DIP2C: variants seen among roughly 807,000 people sequenced by gnomAD.
DIP2C encodes the protein DIP2 acetate--CoA ligase C (putative).
In DIP2C, 33 loss-of-function variants were observed where a neutral mutation model predicts 192.4. The ratio of observed to expected loss-of-function variants is 0.17; its 90% confidence interval spans 0.13 to 0.23. The LOEUF is 0.23. DIP2C is among the 10% of genes least tolerant of loss of function. DIP2C has a pLI of 1.00. For synonymous variants in DIP2C, 979 were observed against 864.1 expected (o/e 1.13, Z -2.33); for missense variants, 1,537 against 2,110.1 (o/e 0.73, Z 5.32).
At chr10:378,273 G>A (rs1416960352) in intron 17 of DIP2C, among the ~76,000 whole-genome samples, 1 of 152,242 alleles carries the variant, frequency 6.6e-6, no homozygotes, top group Non-Finnish European at 1.5e-5. Flanking sequence ...GCAAGACTGA[G>A]CAGACTTCAC....
chr10:318,204 C>T (rs1236944046), intron 31 of DIP2C, among the ~76,000 whole-genome samples: 2 of 152,192 alleles, frequency 1.3e-5, no homozygotes, highest in African/African-American at 4.8e-5. Flanking sequence ...TCTCAACCGT[C>T]CTCCTGTATC....
In DIP2C at chr10:472,277, T is replaced by A. The variant is rs146852292; in HGVS notation, c.268+162A>T. Among the ~76,000 whole-genome samples the A allele has an allele frequency of 3.7e-3, 568 of 152,342 alleles. 1 individual carries two copies. Among genetic ancestry groups the A allele is most frequent in the Non-Finnish European group, 6.4e-3 (435 of 68,024 alleles). ...ACGTGAAGAGCTATTTACCGGACAC[T>A]GGCGTCTCCCGAGAGGGTGTGTCCG... On this transcript the variant is annotated intron_variant, in intron 3 of 36. Coordinates refer to ENST00000280886, the MANE Select transcript of DIP2C (RefSeq NM_014974.3).
intron 29 of DIP2C, among the ~76,000 whole-genome samples, chr10:332,283 T>G (rs867599484): frequency 6.6e-6 from 1 of 152,206 alleles, no homozygotes; most frequent in South Asian, 2.1e-4. Context: ...CATTAATGAT[T>G]TGCTCTGTCA....
chr10:278,147 G>A (rs1286611679), intron 36 of DIP2C, among the ~76,000 whole-genome samples: 2 of 150,534 alleles, frequency 1.3e-5, no homozygotes, highest in African/African-American at 2.4e-5. Context: ...CTGTGCGCCC[G>A]AGTCCAGCTC....
intron 1 of DIP2C, among the ~76,000 whole-genome samples, chr10:675,960 A>G (rs918073890): frequency 2.0e-5 from 3 of 152,194 alleles, no homozygotes; most frequent in Non-Finnish European, 2.9e-5. Flanking sequence ...ACACAATAAA[A>G]AGAGAAAACT....
At chr10:291,782 T>A (rs1279457051) in intron 32 of DIP2C, among the ~76,000 whole-genome samples, 1 of 152,220 alleles carries the variant, frequency 6.6e-6, no homozygotes, top group Non-Finnish European at 1.5e-5. Flanking sequence ...GCGTGAGTTA[T>A]AAGTAGCTGG....
chr10:567,528 C>T (rs1344399273), intron 1 of DIP2C, among the ~76,000 whole-genome samples: 6 of 152,164 alleles, frequency 3.9e-5, no homozygotes, highest in Admixed American at 2.6e-4. Context: ...ATTAACTGGG[C>T]TGTTGATTCT....
chr10:339,031 C>A (rs963147691), intron 29 of DIP2C, among the ~76,000 whole-genome samples: 1 of 152,060 alleles, frequency 6.6e-6, no homozygotes, highest in Non-Finnish European at 1.5e-5. Flanking sequence ...GGGCACCCTG[C>A]GCGGCTGCCC....
In DIP2C at chr10:276,304, T is replaced by C. The variant is rs904532798; in HGVS notation, c.*1021A>G. 2.0e-5 allele frequency: 3 copies of C among 152,682 alleles called. No individual in the cohort carries two copies. The highest frequency in any genetic ancestry group is 7.2e-5 in the African/African-American group (3 of 41,472). The allele number at this position is 152,682 out of a possible 1,614,324, so 9.5% of individuals were successfully genotyped here. ...GGCAATAATTTCACTTGCTGGTCTC[T>C]GGTTCTAGAAGAAACTTTTAGACAG... is the stretch of plus-strand genomic sequence containing the variant. On this transcript the variant is annotated 3_prime_UTR_variant, in exon 37 of 37. Coordinates refer to ENST00000280886, the MANE Select transcript of DIP2C (RefSeq NM_014974.3).
intron 1 of DIP2C, among the ~76,000 whole-genome samples, chr10:525,651 G>A (rs1337584288): frequency 3.3e-5 from 5 of 152,190 alleles, no homozygotes; most frequent in Non-Finnish European, 5.9e-5. Context: ...TGAGGACAGG[G>A]AGAGAACAGG....
At chr10:618,636 G>C (rs893245029) in intron 1 of DIP2C, among the ~76,000 whole-genome samples, 2 of 151,594 alleles carry the variant, frequency 1.3e-5, no homozygotes, top group Admixed American at 6.6e-5. Flanking sequence ...GACAGACTTT[G>C]TTTGCTTTTA....
intron 29 of DIP2C, among the ~76,000 whole-genome samples, chr10:335,785 T>C (rs1223449429): frequency 6.6e-6 from 1 of 152,238 alleles, no homozygotes; most frequent in Non-Finnish European, 1.5e-5. Flanking sequence ...TTCCTTTAAC[T>C]ATTTCGTGGA....
intron 32 of DIP2C, among the ~76,000 whole-genome samples, chr10:301,894 C>T (rs1000085712): frequency 1.3e-5 from 2 of 152,152 alleles, no homozygotes; most frequent in Admixed American, 6.5e-5. Context: ...GAGATTGTGT[C>T]CAAATACCAC....
chr10:376,267 AGGG>A (rs1961572855), intron 17 of DIP2C, among the ~76,000 whole-genome samples: 1 of 138,954 alleles, frequency 7.2e-6, no homozygotes, highest in South Asian at 2.2e-4. Context: ...CAGAGCCGGC[AGGG>A]AGAAGGACCC....
At chr10:478,823 G>C (rs1237127750) in intron 2 of DIP2C, among the ~76,000 whole-genome samples, 2 of 152,128 alleles carry the variant, frequency 1.3e-5, no homozygotes, top group Non-Finnish European at 2.9e-5. Flanking sequence ...CTCATCGCGT[G>C]TCCGGGCGTG....
chr10:583,488 C>CA (rs1277835828), intron 1 of DIP2C, among the ~76,000 whole-genome samples: 1 of 152,228 alleles, frequency 6.6e-6, no homozygotes, highest in Non-Finnish European at 1.5e-5. Flanking sequence ...TTTCAATGTT[C>CA]AGATTTCAGT....
intron 17 of DIP2C, among the ~76,000 whole-genome samples, chr10:380,089 A>G (rs1196999697): frequency 1.3e-5 from 2 of 151,950 alleles, no homozygotes; most frequent in East Asian, 1.9e-4. Flanking sequence ...AAGACGGTTA[A>G]AGCGCAGAAG....
At chr10:320,977 G>A (rs770855465) in intron 31 of DIP2C, among the ~76,000 whole-genome samples, 1 of 151,386 alleles carries the variant, frequency 6.6e-6, no homozygotes, top group East Asian at 1.9e-4. Flanking sequence ...GAGGGCAGAG[G>A]AGAGTCCATC....
Position 570,612 on chromosome 10 carries a change from C to T in DIP2C, c.86-84082G>A, listed in dbSNP as rs117759397. 2.1e-3 allele frequency among the ~76,000 whole-genome samples: 315 copies of T among 152,304 alleles called. 1 individual carries two copies. Among genetic ancestry groups the T allele is most frequent in the Non-Finnish European group, 2.5e-3 (167 of 68,032 alleles). ...AAAGCTTCTCTCAAACCTCCCCTAC[C>T]ACCCGACCTGCCAGTCACACAGGTC... On this transcript the variant is annotated intron_variant, in intron 1 of 36. Coordinates refer to ENST00000280886, the MANE Select transcript of DIP2C (RefSeq NM_014974.3).
Sources: gnomAD v4.1 joint callset for allele counts (sites outside exome capture counted in the v4.1 genomes callset) on GRCh38, gnomAD v4.1.1 for gene constraint, MANE v1.5 for transcripts, NCBI Gene and HGNC (gene_info 2026-07-23, HGNC 2026-07-21) for gene names.